SLC38A1: variants seen among roughly 807,000 people sequenced by gnomAD.
SLC38A1 encodes the protein solute carrier family 38 member 1.
SLC38A1 carries 18 observed loss-of-function variants against 60.3 expected under a neutral mutation model. The ratio of observed to expected loss-of-function variants is 0.30; its 90% CI spans 0.21 to 0.44. The LOEUF is 0.44. Among genes scored for constraint, SLC38A1 ranks in the 20% least tolerant of loss-of-function variants. SLC38A1 has a pLI of 1.00. For missense variants in SLC38A1, 448 were observed against 587.2 expected, an observed-to-expected ratio of 0.76 and a Z score of 2.45; for synonymous variants, 196 against 212.1, an observed-to-expected ratio of 0.92 and a Z score of 0.66.
Position 46,186,269 on chromosome 12 carries a change from G to C in SLC38A1, c.*2701C>G, listed in dbSNP as rs967154404. On this transcript the variant is annotated 3_prime_UTR_variant, in exon 17 of 17. Transcript: ENST00000398637. ...AATAAGTAACATTAAGTAAATTAGGGATTGACAGTATTCTGTGTTACAATA... is the reference window on the plus strand; with the variant it reads ...AATAAGTAACATTAAGTAAATTAGGCATTGACAGTATTCTGTGTTACAATA... The C allele has an allele frequency of 6.6e-6, 1 of 152,236 alleles. No individual in the cohort carries two copies. Among genetic ancestry groups the C allele is most frequent in the South Asian group, 2.1e-4 (1 of 4,820 alleles). 9.4% of individuals were successfully genotyped at this position (152,236 alleles called of 1,614,324 possible).
At chr12:46,222,502 C>G (rs956050375) in intron 5 of SLC38A1, among the ~76,000 whole-genome samples, 3 of 152,124 alleles carry the variant, frequency 2.0e-5, no homozygotes, top group Admixed American at 6.5e-5. Flanking sequence ...TACTATGCTA[C>G]GCAGTAACAT....
chr12:46,255,337 G>T (rs1941985179), intron 1 of SLC38A1, among the ~76,000 whole-genome samples: 1 of 152,112 alleles, frequency 6.6e-6, no homozygotes, highest in Admixed American at 6.5e-5. Flanking sequence ...ATCATGAGAA[G>T]GTTTTTCCTC....
rs1050247753 is a variant in SLC38A1, at chr12:46,229,188, G to A, written c.279C>T (p.Ala93=). Reference sequence around the variant, plus strand: ...GGATTCCAGTGTTTGCCAGGGCAAAGGCGAGTCCCAAAATCCCACTGCCCA... The same window carrying A: ...GGATTCCAGTGTTTGCCAGGGCAAAAGCGAGTCCCAAAATCCCACTGCCCA... ...AIMGSGILGL[A]FALANTGILL... Residue 93 remains alanine, a synonymous_variant, in exon 5 of 17, where the codon GCC becomes GCT. Coordinates refer to ENST00000398637, the MANE Select transcript of SLC38A1 (RefSeq NM_030674.4). 2.5e-6 allele frequency: 4 copies of A among 1,613,552 alleles called. No individual in the cohort carries two copies. Among genetic ancestry groups the A allele is most frequent in the Non-Finnish European group, 3.4e-6 (4 of 1,179,694 alleles).
chr12:46,193,450 C>G (rs956791318), intron 16 of SLC38A1, among the ~76,000 whole-genome samples: 1 of 152,166 alleles, frequency 6.6e-6, no homozygotes, highest in African/African-American at 2.4e-5. Context: ...ATGAGGTCCG[C>G]TTGGTGCAGA....
chr12:46,233,675 GA>G (rs1941157622), intron 3 of SLC38A1, among the ~76,000 whole-genome samples: 1 of 152,190 alleles, frequency 6.6e-6, no homozygotes, highest in African/African-American at 2.4e-5. Context: ...GTTTCCTGCA[GA>G]ACTTCTGCAT....
chr12:46,200,370 C>CAT (rs559996976), intron 13 of SLC38A1, among the ~76,000 whole-genome samples: 169 of 149,484 alleles, frequency 1.1e-3, no homozygotes, highest in African/African-American at 1.8e-3. Flanking sequence ...GAAATACATA[C>CAT]ATATATATAT....
At chr12:46,259,127 G>A (rs1942122463) in intron 1 of SLC38A1, among the ~76,000 whole-genome samples, 1 of 152,210 alleles carries the variant, frequency 6.6e-6, no homozygotes, top group Non-Finnish European at 1.5e-5. Flanking sequence ...CCACGCATAT[G>A]TATACCAAAA....
chr12:46,187,764 C>G lies in SLC38A1; in HGVS notation c.*1206G>C. Reference sequence around the variant, plus strand: ...CAGTGATTCTGTCAGAAGCTCTTCACAAAGACTATCTCTGAGGGTTTTTTT... The same window carrying G: ...CAGTGATTCTGTCAGAAGCTCTTCAGAAAGACTATCTCTGAGGGTTTTTTT... On this transcript the variant is annotated 3_prime_UTR_variant, in exon 17 of 17. Coordinates refer to ENST00000398637, the MANE Select transcript of SLC38A1 (RefSeq NM_030674.4). 1 of 143,468 alleles carries G rather than the reference C, an allele frequency of 7.0e-6. No homozygotes were observed. Among genetic ancestry groups the G allele is most frequent in the South Asian group, 2.3e-4 (1 of 4,404 alleles). The allele number at this position is 143,468 out of a possible 1,614,324, so 8.9% of individuals were successfully genotyped here.
chr12:46,233,698 T>G (rs1399026015), intron 3 of SLC38A1, among the ~76,000 whole-genome samples: 1 of 152,212 alleles, frequency 6.6e-6, no homozygotes, highest in Non-Finnish European at 1.5e-5. Context: ...ATGAGAATAA[T>G]GATACTGACA....
chr12:46,197,822 A>G lies in SLC38A1; in HGVS notation c.1265-5T>C, dbSNP rs1565751184. 6.3e-7 allele frequency: 1 copy of G among 1,596,512 alleles called. No individual in the cohort carries two copies. Among genetic ancestry groups the G allele is most frequent in the East Asian group, 2.2e-5 (1 of 44,766 alleles). The stretch of plus-strand genomic sequence containing the variant: ...GCATGTTAGCAGATGTAACTCCTGT[A>G]AAATAAGACAAAAGAGAAAGTTTAG... On this transcript the variant is annotated splice_region_variant and splice_polypyrimidine_tract_variant and intron_variant, in intron 15 of 16. Coordinates refer to ENST00000398637, the MANE Select transcript of SLC38A1 (RefSeq NM_030674.4).
chr12:46,196,205 C>T (rs11608815), intron 16 of SLC38A1: 226,852 of 1,535,586 alleles, frequency 0.15, 19,843 homozygotes, highest in African/African-American at 0.41. Flanking sequence ...TCAGTGAGAG[C>T]GCTGCAGGGA....
At chr12:46,199,469 C>T (rs1002459241) in intron 13 of SLC38A1, among the ~76,000 whole-genome samples, 2 of 151,752 alleles carry the variant, frequency 1.3e-5, no homozygotes, top group African/African-American at 4.8e-5. Context: ...CCTGCCTCAG[C>T]CTCCTGAGTA....
intron 3 of SLC38A1, among the ~76,000 whole-genome samples, chr12:46,230,072 A>G (rs1052865586): frequency 4.6e-5 from 7 of 152,240 alleles, no homozygotes; most frequent in Non-Finnish European, 1.0e-4. Flanking sequence ...GGAAAATTAG[A>G]TAATATCAAG....
intron 1 of SLC38A1, among the ~76,000 whole-genome samples, chr12:46,253,243 G>C (rs917020854): frequency 1.3e-5 from 2 of 152,172 alleles, no homozygotes; most frequent in African/African-American, 2.4e-5. Context: ...CCCCAAAAGA[G>C]GGTTCTTGGA....
At chr12:46,236,768 T>C (rs1335777725) in intron 3 of SLC38A1, among the ~76,000 whole-genome samples, 3 of 152,192 alleles carry the variant, frequency 2.0e-5, no homozygotes, top group Admixed American at 1.3e-4. Flanking sequence ...GTTTGGTTCA[T>C]GGATCAGCAG....
intron 5 of SLC38A1, among the ~76,000 whole-genome samples, chr12:46,214,754 C>G (rs1452192548): frequency 1.3e-5 from 2 of 152,146 alleles, no homozygotes; most frequent in South Asian, 2.1e-4. Context: ...ATTTTAAAAG[C>G]CTAGCTACAC....
At chr12:46,196,152 T>C (rs778833385) in intron 16 of SLC38A1, 33 of 1,535,844 alleles carry the variant, frequency 2.1e-5, no homozygotes, top group African/African-American at 2.7e-5. Context: ...AAATCCAGAA[T>C]CCAGAGAACA....
intron 3 of SLC38A1, among the ~76,000 whole-genome samples, chr12:46,233,172 C>A (rs192226935): frequency 1.8e-4 from 28 of 152,194 alleles, no homozygotes; most frequent in African/African-American, 5.8e-4. Flanking sequence ...GCACACACCA[C>A]CACACCCAGC....
intron 12 of SLC38A1, among the ~76,000 whole-genome samples, chr12:46,201,484 G>T (rs895284302): frequency 6.6e-6 from 1 of 152,084 alleles, no homozygotes; most frequent in Admixed American, 6.5e-5. Flanking sequence ...TTTAATATTT[G>T]TGCTTGATAT....
Sources: allele counts gnomAD v4.1 joint callset (sites outside exome capture counted in the v4.1 genomes callset), GRCh38; gene constraint gnomAD v4.1.1; transcripts MANE v1.5; gene names NCBI Gene and HGNC (gene_info 2026-07-23, HGNC 2026-07-21).